CCDC171: variants seen among roughly 807,000 people sequenced by gnomAD.
CCDC171 encodes the protein coiled-coil domain-containing protein 171.
CCDC171 carries 177 observed loss-of-function variants against 168.2 expected under a neutral mutation model. The observed-to-expected ratio is 1.05, with a 90% confidence interval of 0.93 to 1.19. The LOEUF is 1.19. CCDC171 is among the 50% of genes most tolerant of loss of function. The pLI, the probability that CCDC171 is intolerant of heterozygous loss-of-function variation, is 0.00. For missense variants in CCDC171, 1,991 were observed against 1,539.0 expected (o/e 1.29, Z -4.91); for synonymous variants, 687 against 540.8 (o/e 1.27, Z -3.75).
intron 10 of CCDC171, among the ~76,000 whole-genome samples, chr9:15,692,283 G>A (rs2050856774): frequency 1.3e-5 from 2 of 151,590 alleles, no homozygotes; most frequent in Middle Eastern, 3.2e-3. Context: ...TGAGGCATGA[G>A]AATCACTTGA....
intron 24 of CCDC171, among the ~76,000 whole-genome samples, chr9:15,915,276 ATTGT>A (rs1305054686): frequency 6.6e-6 from 1 of 151,990 alleles, no homozygotes; most frequent in Non-Finnish European, 1.5e-5. Context: ...TATTTTTCCA[ATTGT>A]TTGTGTTATC....
chr9:15,588,539 G>T (rs1464143425), intron 4 of CCDC171: 3 of 347,508 alleles, frequency 8.6e-6, no homozygotes, highest in Non-Finnish European at 1.7e-5. Flanking sequence ...TACAAGGAGG[G>T]GAAGAATCCT....
At chr9:15,908,534 T>G (rs1463192212) in intron 24 of CCDC171, among the ~76,000 whole-genome samples, 9 of 151,862 alleles carry the variant, frequency 5.9e-5, no homozygotes, top group African/African-American at 1.7e-4. Flanking sequence ...AGGGATAGCA[T>G]TTGGAGATAT....
At chr9:15,848,982 T>C in intron 23 of CCDC171, 35 bp downstream of exon 23, 1 of 1,123,352 alleles carries the variant, frequency 8.9e-7, no homozygotes, top group Non-Finnish European at 1.3e-6. Flanking sequence ...GTTCAATTTG[T>C]GTCATGACAC....
chr9:15,814,134 G>T (rs1239392693), intron 21 of CCDC171, among the ~76,000 whole-genome samples: 1 of 152,096 alleles, frequency 6.6e-6, no homozygotes, highest in Non-Finnish European at 1.5e-5. Context: ...GAGAAATATT[G>T]GAAAACAAAG....
chr9:15,557,526 G>C (rs2038911056), intron 1 of CCDC171, among the ~76,000 whole-genome samples: 1 of 152,130 alleles, frequency 6.6e-6, no homozygotes, highest in Non-Finnish European at 1.5e-5. Context: ...ATTCACTCAT[G>C]ATTTGGCTTT....
intron 21 of CCDC171, among the ~76,000 whole-genome samples, chr9:15,813,859 C>G (rs909000702): frequency 6.6e-6 from 1 of 152,092 alleles, no homozygotes; most frequent in African/African-American, 2.4e-5. Context: ...CATGTTAGAT[C>G]TAGTTCTGGT....
chr9:15,895,824 G>C (rs1751756710), intron 24 of CCDC171, among the ~76,000 whole-genome samples: 1 of 151,952 alleles, frequency 6.6e-6, no homozygotes, highest in African/African-American at 2.4e-5. Context: ...TTACCAATAT[G>C]ACAAGCATTT....
chr9:15,997,002 T>G (rs959442642), intron 3 of CCDC171, among the ~76,000 whole-genome samples: 1 of 152,146 alleles, frequency 6.6e-6, no homozygotes, highest in African/African-American at 2.4e-5. Flanking sequence ...ATGATTTGTG[T>G]CAGTTTGGGT....
chr9:15,973,131 G>C lies in CCDC171; in HGVS notation c.*1295G>C, dbSNP rs1831498126. 1.3e-5 allele frequency: 2 copies of C among 152,138 alleles called. No homozygotes were observed. Among genetic ancestry groups the C allele is most frequent in the Admixed American group, 1.3e-4 (2 of 15,258 alleles). The allele number at this position is 152,138 out of a possible 1,614,324, so 9.4% of individuals were successfully genotyped here. A position where few individuals can be genotyped will look rare whatever the true frequency, so the allele number is the denominator to read the frequency against. The stretch of plus-strand genomic sequence containing the variant: ...GCATCATGGTAAGTGAAGAACAAAA[G>C]AATATTTGTAGTAAGAATTTGTTTT... On this transcript the variant is annotated 3_prime_UTR_variant, in exon 26 of 26. Transcript: ENST00000380701.
chr9:15,648,631 G>A (rs2132713054), intron 7 of CCDC171, among the ~76,000 whole-genome samples: 1 of 152,316 alleles, frequency 6.6e-6, no homozygotes, highest in East Asian at 1.9e-4. Context: ...CAACTCATGA[G>A]TGAACTCCCA....
chr9:16,034,568 T>C (rs562869558), intron 6 of CCDC171, among the ~76,000 whole-genome samples: 21 of 152,272 alleles, frequency 1.4e-4, no homozygotes, highest in African/African-American at 4.3e-4. Context: ...TAATTAGATG[T>C]TTCAGTGCGT....
intron 6 of CCDC171, among the ~76,000 whole-genome samples, chr9:15,613,342 T>C (rs1157274293): frequency 6.6e-6 from 1 of 152,132 alleles, no homozygotes; most frequent in African/African-American, 2.4e-5. Context: ...AGTTTTAGCA[T>C]AGGTTAATTG....
chr9:15,982,668 G>C (rs901975247), intron 3 of CCDC171, among the ~76,000 whole-genome samples: 1 of 152,066 alleles, frequency 6.6e-6, no homozygotes, highest in African/African-American at 2.4e-5. Context: ...CTGTGCCTCT[G>C]CTTCCTTCCC....
At chr9:15,703,222 T>A (rs2051914521) in intron 11 of CCDC171, among the ~76,000 whole-genome samples, 1 of 152,164 alleles carries the variant, frequency 6.6e-6, no homozygotes, top group Non-Finnish European at 1.5e-5. Flanking sequence ...TGTTTTTAAT[T>A]AGGCTTTGGC....
At chr9:15,713,538 A>C (rs903913503) in intron 11 of CCDC171, among the ~76,000 whole-genome samples, 5 of 152,148 alleles carry the variant, frequency 3.3e-5, no homozygotes, top group Admixed American at 2.0e-4. Flanking sequence ...ATCACACAGT[A>C]ACCGTTTCAT....
chr9:15,749,560 A>G (rs565687057), intron 18 of CCDC171, among the ~76,000 whole-genome samples: 1 of 152,304 alleles, frequency 6.6e-6, no homozygotes, highest in Admixed American at 6.5e-5. Flanking sequence ...AAAATTGACC[A>G]CATAATTCGA....
chr9:15,797,553 T>C (rs2058621409), intron 21 of CCDC171, among the ~76,000 whole-genome samples: 1 of 152,264 alleles, frequency 6.6e-6, no homozygotes, highest in East Asian at 1.9e-4. Flanking sequence ...GTTTGTCTTA[T>C]TCATTGTAAA....
At chr9:15,926,410 G>A (rs115243044) in intron 25 of CCDC171, among the ~76,000 whole-genome samples, 110 of 151,652 alleles carry the variant, frequency 7.3e-4, no homozygotes, top group African/African-American at 2.6e-3. Context: ...TACCTTCATC[G>A]GTTCCCAATC....
Sources: gnomAD v4.1 joint callset for allele counts (sites outside exome capture counted in the v4.1 genomes callset) on GRCh38, gnomAD v4.1.1 for gene constraint, MANE v1.5 for transcripts, NCBI Gene and HGNC (gene_info 2026-07-23, HGNC 2026-07-21) for gene names.